Variants in TIPRL observed in about 807,000 individuals in gnomAD.
The protein encoded by TIPRL is TIP41-like protein.
A neutral mutation model predicts 32.3 loss-of-function variants in TIPRL; 10 were observed. The ratio of observed to expected loss-of-function variants is 0.31; its 90% confidence interval spans 0.19 to 0.52. The LOEUF (loss-of-function observed/expected upper bound fraction) is 0.52, where lower values mean the gene tolerates loss of function less well. Ranked by LOEUF, TIPRL falls within the 20% of genes least tolerant of loss-of-function variation. The probability of loss-of-function intolerance (pLI) is 0.96; values close to 1 mark genes in which losing one functional copy is unlikely to be tolerated. For synonymous variants in TIPRL, 100 were observed against 114.0 expected, an observed-to-expected ratio of 0.88 and a Z score of 0.78; for missense variants, 250 against 328.1, an observed-to-expected ratio of 0.76 and a Z score of 1.84.
rs1700094078 is a variant in TIPRL at position 168,191,353 on chromosome 1, A to C, written c.385-16A>C. ...TTTTTTTTTAATGTGCTCCTCTTTAAAATTTTTTCTTTCAGGTTGTACCTA... is the reference window on the plus strand; with the variant it reads ...TTTTTTTTTAATGTGCTCCTCTTTACAATTTTTTCTTTCAGGTTGTACCTA... On this transcript the variant is annotated splice_polypyrimidine_tract_variant and intron_variant, in intron 3 of 6. Coordinates refer to ENST00000367833, the MANE Select transcript of TIPRL (RefSeq NM_152902.5). The C allele has an allele frequency of 6.6e-7, 1 of 1,515,772 alleles. No homozygotes were observed. Among genetic ancestry groups the C allele is most frequent in the Non-Finnish European group, 8.7e-7 (1 of 1,144,968 alleles). The allele number at this position is 1,515,772 out of a possible 1,614,324, so 93.9% of individuals were successfully genotyped here. A position where few individuals can be genotyped will look rare whatever the true frequency, so the allele number is the denominator to read the frequency against.
intron 1 of TIPRL, 47 bp from the exon 2 acceptor site, chr1:168,183,855 C>T (rs1312325592): frequency 1.3e-6 from 2 of 1,574,722 alleles, no homozygotes; most frequent in Non-Finnish European, 1.7e-6. Context: ...AACAAAAATG[C>T]CAACAGCGAT....
chr1:168,195,468 G>C, intron 4 of TIPRL, among the ~76,000 whole-genome samples: 1 of 152,080 alleles, frequency 6.6e-6, no homozygotes, highest in East Asian at 1.9e-4. Flanking sequence ...TTTGAGCATT[G>C]GGATTCTATT....
In TIPRL at chr1:168,201,877, T is replaced by C. The variant is rs1052384924; in HGVS notation, c.*1831T>C. On this transcript the variant is annotated 3_prime_UTR_variant, in exon 7 of 7. Coordinates refer to ENST00000367833, the MANE Select transcript of TIPRL (RefSeq NM_152902.5). ...CCTGAATAGTCCTAGATTACTTATTTTGAGAATTCATTGTTAAAAATTACA... is the reference window on the plus strand; with the variant it reads ...CCTGAATAGTCCTAGATTACTTATTCTGAGAATTCATTGTTAAAAATTACA... 1.3e-5 allele frequency: 2 copies of C among 150,610 alleles called. No individual in the cohort carries two copies. The highest frequency in any genetic ancestry group is 2.9e-5 in the Non-Finnish European group (2 of 67,850). The allele number at this position is 150,610 out of a possible 1,614,324, so 9.3% of individuals were successfully genotyped here. A position where few individuals can be genotyped will look rare whatever the true frequency, so the allele number is the denominator to read the frequency against.
Position 168,184,789 on chromosome 1 carries a change from G to A in TIPRL, c.295G>A (p.Glu99Lys). ...EEWQESRTEG[E>K]HSKEVIKPYD... Reference sequence around the variant, plus strand: ...ATTTTGGTATTTGAGGACGGAGGGTGAACACTCCAAAGAGGTTATTAAACC... The same window carrying A: ...ATTTTGGTATTTGAGGACGGAGGGTAAACACTCCAAAGAGGTTATTAAACC... The change falls in exon 3 of 7, where the codon GAA becomes AAA. Residue 99 changes from glutamate to lysine, a missense_variant. Glu to Lys is a moderately conservative substitution (Grantham distance 56). Transcript: ENST00000367833. 6.2e-7 allele frequency: 1 copy of A among 1,609,308 alleles called. No homozygotes were observed. The highest frequency in any genetic ancestry group is 8.5e-7 in the Non-Finnish European group (1 of 1,176,692).
intron 5 of TIPRL, among the ~76,000 whole-genome samples, chr1:168,197,752 C>G (rs1700173114): frequency 1.3e-5 from 2 of 152,144 alleles, no homozygotes; most frequent in Admixed American, 6.5e-5. Flanking sequence ...GTCTTGAACT[C>G]CTGACCTCAA....
chr1:168,188,824 C>CA (rs1242354982), intron 3 of TIPRL, among the ~76,000 whole-genome samples: 1 of 151,970 alleles, frequency 6.6e-6, no homozygotes, highest in Non-Finnish European at 1.5e-5. Context: ...ACTAAAAACA[C>CA]AAAAAAATTA....
chr1:168,179,895 G>A (rs976468912), intron 1 of TIPRL, among the ~76,000 whole-genome samples: 2 of 152,066 alleles, frequency 1.3e-5, no homozygotes, highest in Non-Finnish European at 2.9e-5. Flanking sequence ...CTCAGGGAGA[G>A]TGAAAGCTGT....
At chr1:168,193,391 C>G (rs567690844) in intron 4 of TIPRL, among the ~76,000 whole-genome samples, 1 of 152,220 alleles carries the variant, frequency 6.6e-6, no homozygotes, top group South Asian at 2.1e-4. Flanking sequence ...TATCATTATT[C>G]TAGCATTAGA....
chr1:168,179,105 C>CA lies in TIPRL; in HGVS notation c.29dup (p.His10GlnfsTer30). On this transcript the variant is annotated frameshift_variant, in exon 1 of 7. Transcript: ENST00000367833. LOFTEE classifies it high-confidence loss of function. Reference sequence around the variant, plus strand: ...GATGATCCACGGCTTCCAGAGCAGCCACCGGGATTTCTGCTTCGGGCCCTG... The same window carrying CA: ...GATGATCCACGGCTTCCAGAGCAGCCAACCGGGATTTCTGCTTCGGGCCCTG... The CA allele has an allele frequency of 6.2e-7, 1 of 1,613,984 alleles. No individual in the cohort carries two copies. Among genetic ancestry groups the CA allele is most frequent in the Non-Finnish European group, 8.5e-7 (1 of 1,179,924 alleles).
At chr1:168,186,333 TA>T (rs1358979228) in intron 3 of TIPRL, among the ~76,000 whole-genome samples, 1 of 151,632 alleles carries the variant, frequency 6.6e-6, no homozygotes, top group Non-Finnish European at 1.5e-5. Context: ...GCACCTCTAC[TA>T]AAAATGTAAA....
intron 5 of TIPRL, among the ~76,000 whole-genome samples, chr1:168,198,241 A>G (rs1188133831): frequency 6.6e-6 from 1 of 152,096 alleles, no homozygotes; most frequent in Non-Finnish European, 1.5e-5. Context: ...TTATACTTTT[A>G]TATTATTTGA....
intron 4 of TIPRL, among the ~76,000 whole-genome samples, 168 bp downstream of exon 4, chr1:168,191,668 C>G (rs889004744): frequency 6.6e-6 from 1 of 151,852 alleles, no homozygotes; most frequent in Non-Finnish European, 1.5e-5. Context: ...GTCAGGAGAC[C>G]GAGACCATCC....
intron 1 of TIPRL, 63 bp downstream of exon 1, chr1:168,179,244 G>A: frequency 6.8e-7 from 1 of 1,480,914 alleles, no homozygotes; most frequent in Admixed American, 1.7e-5. Context: ...GGGAGGCAGG[G>A]CGAACTCTGT....
In TIPRL at chr1:168,200,407, CCCA is replaced by C. The variant is rs1483490720; in HGVS notation, c.*362_*364del. The C allele has an allele frequency of 5.9e-6, 1 of 168,154 alleles. No individual in the cohort carries two copies. The highest frequency in any genetic ancestry group is 1.3e-5 in the Non-Finnish European group (1 of 78,142). 10.4% of individuals were successfully genotyped at this position (168,154 alleles called of 1,614,324 possible). ...AGGAGGTTAATGTAAATCACCAAAT[CCCA>C]ATGCCTTGTGACTTTCATAGGATTC... On this transcript the variant is annotated 3_prime_UTR_variant, in exon 7 of 7. Transcript: ENST00000367833.
intron 4 of TIPRL, 79 bp downstream of exon 4, chr1:168,191,579 A>G: frequency 8.0e-7 from 1 of 1,252,016 alleles, no homozygotes; most frequent in Non-Finnish European, 1.0e-6. Context: ...ACTTTGAATA[A>G]CACTGAGCCT....
intron 1 of TIPRL, 47 bp from the exon 2 acceptor site, chr1:168,183,855 C>G: frequency 6.3e-7 from 1 of 1,574,844 alleles, no homozygotes; most frequent in Non-Finnish European, 8.7e-7. Flanking sequence ...AACAAAAATG[C>G]CAACAGCGAT....
At chr1:168,185,929 G>A (rs768560771) in intron 3 of TIPRL, among the ~76,000 whole-genome samples, 10 of 150,616 alleles carry the variant, frequency 6.6e-5, no homozygotes, top group Non-Finnish European at 1.3e-4. Flanking sequence ...ACAAAATTTA[G>A]CCAGGCATGG....
chr1:168,199,616 A>G (rs1031015230), intron 6 of TIPRL, among the ~76,000 whole-genome samples: 2 of 152,188 alleles, frequency 1.3e-5, no homozygotes, highest in Admixed American at 6.5e-5. Flanking sequence ...AGTGTTTTCA[A>G]GTTACAAAAG....
rs368790640 is a variant in TIPRL at position 168,180,931 on chromosome 1, C to T, written c.104+1750C>T. 3.3e-5 allele frequency among the ~76,000 whole-genome samples: 5 copies of T among 150,446 alleles called. No individual in the cohort carries two copies. In the East Asian group the frequency reaches 5.9e-4, roughly 18 times the overall value. ...TGTCCGCCTTGGCCCCCCAAAGTGC[C>T]GGGATTACAGGCATGAGCCACTGCG... On this transcript the variant is annotated intron_variant, in intron 1 of 6. Coordinates refer to ENST00000367833, the MANE Select transcript of TIPRL (RefSeq NM_152902.5).
Sources: gnomAD v4.1 joint callset for allele counts (sites outside exome capture counted in the v4.1 genomes callset) on GRCh38, gnomAD v4.1.1 for gene constraint, MANE v1.5 for transcripts, NCBI Gene and HGNC (gene_info 2026-07-23, HGNC 2026-07-21) for gene names.